The following IFT88 variants were observed in gnomAD, a reference collection of about 807,000 sequenced individuals.
IFT88 encodes intraflagellar transport 88.
In IFT88, 74 loss-of-function variants were observed where a neutral mutation model predicts 119.5. The ratio of observed to expected loss-of-function variants is 0.62; its 90% confidence interval spans 0.51 to 0.75. IFT88 has a LOEUF of 0.75. IFT88 is among the 30% of genes least tolerant of loss of function. The pLI is 0.00. For synonymous variants in IFT88, 279 were observed against 316.7 expected (o/e 0.88, Z 1.26); for missense variants, 961 against 977.7 (o/e 0.98, Z 0.23).
intron 1 of IFT88, among the ~76,000 whole-genome samples, chr13:20,573,765 T>C (rs1302423857): frequency 6.6e-6 from 1 of 152,212 alleles, no homozygotes; most frequent in Admixed American, 6.5e-5. Flanking sequence ...GGCTTCTGCC[T>C]TGCATTTTAA....
intron 14 of IFT88, among the ~76,000 whole-genome samples, chr13:20,623,803 T>C (rs1353722905): frequency 6.6e-6 from 1 of 152,234 alleles, no homozygotes; most frequent in African/African-American, 2.4e-5. Flanking sequence ...AAAAAATTTC[T>C]CTCGGCAATG....
intron 14 of IFT88, among the ~76,000 whole-genome samples, chr13:20,621,363 G>A (rs1358218469): frequency 6.6e-6 from 1 of 151,950 alleles, no homozygotes; most frequent in East Asian, 1.9e-4. Context: ...CACCATGCCC[G>A]GCCGAGTTTA....
intron 3 of IFT88, among the ~76,000 whole-genome samples, chr13:20,587,036 C>T (rs931370494): frequency 2.0e-5 from 3 of 151,868 alleles, no homozygotes; most frequent in African/African-American, 7.3e-5. Flanking sequence ...ATACATTTTT[C>T]TAGTTATCTC....
At chr13:20,638,025 G>A (rs1174217908) in intron 16 of IFT88, among the ~76,000 whole-genome samples, 1 of 152,190 alleles carries the variant, frequency 6.6e-6, no homozygotes, top group African/African-American at 2.4e-5. Context: ...GCTTCAAGTG[G>A]GAGGGGGAGT....
intron 5 of IFT88, among the ~76,000 whole-genome samples, 180 bp downstream of exon 5, chr13:20,591,200 G>T (rs1256757635): frequency 6.6e-6 from 1 of 152,138 alleles, no homozygotes; most frequent in African/African-American, 2.4e-5. Context: ...TGAAGGCGAA[G>T]TCTCTTTAGA....
intron 14 of IFT88, among the ~76,000 whole-genome samples, chr13:20,621,770 A>G (rs2046559534): frequency 6.6e-6 from 1 of 152,072 alleles, no homozygotes; most frequent in Non-Finnish European, 1.5e-5. Context: ...TCCATAGTTT[A>G]TGTTAGGATT....
chr13:20,621,334 T>C (rs2046436539), intron 14 of IFT88, among the ~76,000 whole-genome samples: 1 of 152,110 alleles, frequency 6.6e-6, no homozygotes, highest in African/African-American at 2.4e-5. Flanking sequence ...CCCAAACTAC[T>C]GGGATTACAG....
chr13:20,584,732 AGTTCTATCCCTAAT>A (rs1301518640), intron 3 of IFT88, among the ~76,000 whole-genome samples: 23 of 152,336 alleles, frequency 1.5e-4, no homozygotes, highest in African/African-American at 5.1e-4. Flanking sequence ...AAGTAGAGAA[AGTTCTATCCCTAAT>A]GTTCTATGTC....
rs375791393 is a variant in IFT88 at position 20,617,986 on chromosome 13, G to A, written c.1199+2107G>A. Among the ~76,000 whole-genome samples, 97 of 152,114 alleles carry A rather than the reference G, an allele frequency of 6.4e-4. 1 individual carries two copies. In the South Asian group the frequency reaches 0.016, roughly 25 times the overall value. On this transcript the variant is annotated intron_variant, in intron 14 of 25. Coordinates refer to ENST00000351808, the MANE Select transcript of IFT88 (RefSeq NM_006531.5). Reference sequence around the variant, plus strand: ...TTTTTAGTAGAGACAGGGTTTCGCCGTGTTGGCTGGGCTGGTCTCGAACTC... The same window carrying A: ...TTTTTAGTAGAGACAGGGTTTCGCCATGTTGGCTGGGCTGGTCTCGAACTC...
intron 13 of IFT88, among the ~76,000 whole-genome samples, chr13:20,615,477 G>A (rs2045453205): frequency 6.6e-6 from 1 of 152,160 alleles, no homozygotes; most frequent in Non-Finnish European, 1.5e-5. Flanking sequence ...TGTCTGCAGT[G>A]TAGGCTACGT....
At position 20,601,722 on chromosome 13, in the gene IFT88, A is replaced by G. The variant is rs1226958823; in HGVS notation, c.830A>G (p.Asn277Ser). The G allele has an allele frequency of 6.2e-7, 1 of 1,605,154 alleles. No homozygotes were observed. The change falls in exon 12 of 26, where the codon AAT becomes AGT. Residue 277 changes from asparagine to serine, a missense_variant. Physicochemically the swap from Asn to Ser is conservative, Grantham distance 46 (BLOSUM62 1). Coordinates refer to ENST00000351808, the MANE Select transcript of IFT88 (RefSeq NM_006531.5). ...NKQMRIKIMQ[N>S]IGVTFIQAGQ... is the part of the protein sequence containing the mutation. ...TCTTTTAGGATTAAAATAATGCAGA[A>G]TATTGGAGTTACATTTATTCAGGCT...
chr13:20,663,481 T>C lies in IFT88; in HGVS notation c.2069-17T>C, dbSNP rs761464572. ...CTGTGCCTATATTCTTTCCTAAATG[T>C]ATATTTTACAATTTAGGTCTGCGTT... On this transcript the variant is annotated splice_polypyrimidine_tract_variant and intron_variant, in intron 22 of 25. Transcript: ENST00000351808. 2.5e-6 allele frequency: 4 copies of C among 1,607,366 alleles called. No homozygotes were observed. The highest frequency in any genetic ancestry group is 2.7e-5 in the African/African-American group (2 of 74,614).
chr13:20,657,415 A>G lies in IFT88; in HGVS notation c.2068+985A>G, dbSNP rs147647182. 2.2e-3 allele frequency among the ~76,000 whole-genome samples: 339 copies of G among 152,342 alleles called. 2 individuals carry two copies. Among genetic ancestry groups the G allele is most frequent in the African/African-American group, 7.8e-3 (323 of 41,570 alleles). On this transcript the variant is annotated intron_variant, in intron 22 of 25. Coordinates refer to ENST00000351808, the MANE Select transcript of IFT88 (RefSeq NM_006531.5). Reference sequence around the variant, plus strand: ...CCTGAATAGCCTTGCAGCCAAAGGAAAGAGAAAAGTTACAAGCAGTTGTAC... The same window carrying G: ...CCTGAATAGCCTTGCAGCCAAAGGAGAGAGAAAAGTTACAAGCAGTTGTAC...
chr13:20,632,529 G>A (rs2048359616), intron 16 of IFT88, among the ~76,000 whole-genome samples: 1 of 152,130 alleles, frequency 6.6e-6, no homozygotes, highest in Admixed American at 6.5e-5. Context: ...CAGAATAATG[G>A]CGTGGGAATG....
intron 20 of IFT88, among the ~76,000 whole-genome samples, chr13:20,650,273 C>A (rs1206447392): frequency 2.0e-5 from 3 of 152,098 alleles, no homozygotes; most frequent in Non-Finnish European, 2.9e-5. Flanking sequence ...AGAAGTACAT[C>A]ATTCGCAAGT....
At chr13:20,601,378 AAAG>A (rs1452253034) in intron 11 of IFT88, among the ~76,000 whole-genome samples, 2 of 151,948 alleles carry the variant, frequency 1.3e-5, no homozygotes, top group Non-Finnish European at 2.9e-5. Flanking sequence ...AAAAAAAAAA[AAAG>A]ACTAATGGTT....
Position 20,582,990 on chromosome 13 carries a change from G to A in IFT88, c.124G>A (p.Val42Met), listed in dbSNP as rs766887846. The change falls in exon 3 of 26, where the codon GTG (valine) becomes ATG (methionine). Residue 42 changes from valine (V) to methionine (M), a missense_variant. Transcript: ENST00000351808. Reference sequence around the variant, plus strand: ...GAATGATGCAGCTTTTCAGCAAGCTGTGAGGACTAGTCATGGCAGAAGACC... The same window carrying A: ...GAATGATGCAGCTTTTCAGCAAGCTATGAGGACTAGTCATGGCAGAAGACC... ...LENDAAFQQA[V>M]RTSHGRRPPI... 1.2e-6 allele frequency: 2 copies of A among 1,612,506 alleles called. No individual in the cohort carries two copies. Among genetic ancestry groups the A allele is most frequent in the South Asian group, 1.1e-5 (1 of 90,956 alleles).
chr13:20,651,321 A>C (rs2051633624), intron 20 of IFT88, among the ~76,000 whole-genome samples: 3 of 151,242 alleles, frequency 2.0e-5, no homozygotes, highest in South Asian at 2.1e-4. Flanking sequence ...CTCTCCATCT[A>C]TGTCTTCTTT....
At chr13:20,573,052 A>G (rs2036687107) in intron 1 of IFT88, among the ~76,000 whole-genome samples, 1 of 152,138 alleles carries the variant, frequency 6.6e-6, no homozygotes, top group Non-Finnish European at 1.5e-5. Flanking sequence ...AAAGAAAAGA[A>G]AGGTTTAATT....
Sources: allele counts gnomAD v4.1 joint callset (sites outside exome capture counted in the v4.1 genomes callset), GRCh38; gene constraint gnomAD v4.1.1; transcripts MANE v1.5; gene names NCBI Gene and HGNC (gene_info 2026-07-23, HGNC 2026-07-21).